Variants in TRAPPC9 observed in about 807,000 individuals in gnomAD.
TRAPPC9 encodes the protein IKK2 binding protein.
TRAPPC9 carries 83 observed loss-of-function variants against 124.0 expected under a neutral mutation model. That is an observed-to-expected ratio of 0.67 (90% confidence interval 0.56 to 0.80). The LOEUF (loss-of-function observed/expected upper bound fraction) is 0.80. TRAPPC9 is among the 30% of genes least tolerant of loss of function. TRAPPC9 has a pLI of 0.00. For synonymous variants in TRAPPC9, 638 were observed against 617.5 expected, an observed-to-expected ratio of 1.03 and a Z score of -0.49; for missense variants, 1,302 against 1,508.3, an observed-to-expected ratio of 0.86 and a Z score of 2.27.
chr8:140,125,670 C>A (rs1241796017), intron 17 of TRAPPC9, among the ~76,000 whole-genome samples: 3 of 147,626 alleles, frequency 2.0e-5, no homozygotes, highest in Non-Finnish European at 4.4e-5. Context: ...TCTCGGCTCA[C>A]CACAAGCTCC....
intron 21 of TRAPPC9, among the ~76,000 whole-genome samples, chr8:139,844,019 C>T (rs1826904857): frequency 6.6e-6 from 1 of 152,200 alleles, no homozygotes. Context: ...CCTGTCCTCC[C>T]CACTCAGCTC....
At chr8:140,132,496 A>G (rs1482050237) in intron 17 of TRAPPC9, among the ~76,000 whole-genome samples, 1 of 152,136 alleles carries the variant, frequency 6.6e-6, no homozygotes, top group Non-Finnish European at 1.5e-5. Flanking sequence ...GAGAAATGAG[A>G]TTAGGGCTTT....
chr8:139,782,562 C>T (rs1010772078), intron 21 of TRAPPC9, among the ~76,000 whole-genome samples: 13 of 152,256 alleles, frequency 8.5e-5, no homozygotes, highest in East Asian at 3.9e-4. Context: ...CTCCAAAATT[C>T]GTTAAGTAAA....
chr8:140,164,596 C>A (rs1270304204), intron 17 of TRAPPC9, among the ~76,000 whole-genome samples: 3 of 152,242 alleles, frequency 2.0e-5, no homozygotes, highest in East Asian at 3.8e-4. Flanking sequence ...GCTGTCTTCT[C>A]CCCTGCCTGG....
intron 17 of TRAPPC9, among the ~76,000 whole-genome samples, chr8:140,030,803 G>T (rs1038240909): frequency 6.6e-6 from 1 of 152,218 alleles, no homozygotes; most frequent in African/African-American, 2.4e-5. Flanking sequence ...TACTAGAAAA[G>T]CTCAGCCTTT....
At chr8:140,113,330 G>A (rs1046671818) in intron 17 of TRAPPC9, among the ~76,000 whole-genome samples, 4 of 152,220 alleles carry the variant, frequency 2.6e-5, no homozygotes, top group Admixed American at 1.3e-4. Flanking sequence ...CGGCAGGGAC[G>A]GTATTTCCAG....
chr8:140,452,054 A>G (rs10106245), intron 1 of TRAPPC9, among the ~76,000 whole-genome samples: 83,567 of 150,310 alleles, frequency 0.56, 23,374 homozygotes, highest in Non-Finnish European at 0.57. Flanking sequence ...CCGGGAGGTG[A>G]AAGCTGCAGT....
At chr8:140,307,079 A>G (rs1328392536) in intron 10 of TRAPPC9, among the ~76,000 whole-genome samples, 1 of 152,306 alleles carries the variant, frequency 6.6e-6, no homozygotes, top group African/African-American at 2.4e-5. Flanking sequence ...ATCTGAGTAC[A>G]TAACTCCATG....
intron 9 of TRAPPC9, among the ~76,000 whole-genome samples, chr8:140,338,874 G>A (rs1486535092): frequency 2.1e-5 from 1 of 46,686 alleles, no homozygotes. Flanking sequence ...CCTACAGGCC[G>A]ACGGGAAACG....
intron 2 of TRAPPC9, among the ~76,000 whole-genome samples, chr8:140,444,310 T>C (rs766965564): frequency 2.6e-5 from 4 of 152,082 alleles, no homozygotes; most frequent in Non-Finnish European, 4.4e-5. Flanking sequence ...AAAAGAGCTA[T>C]TCCAGAACTA....
At chr8:140,286,650 G>T (rs542384770) in intron 13 of TRAPPC9, among the ~76,000 whole-genome samples, 1 of 152,116 alleles carries the variant, frequency 6.6e-6, no homozygotes, top group Non-Finnish European at 1.5e-5. Context: ...GGGAATGCCC[G>T]CACTGAGATG....
intron 17 of TRAPPC9, among the ~76,000 whole-genome samples, chr8:140,209,157 T>C (rs1179540237): frequency 6.6e-6 from 1 of 152,242 alleles, no homozygotes; most frequent in Non-Finnish European, 1.5e-5. Flanking sequence ...TGGTGAGGCC[T>C]CTGCAGACGA....
At chr8:139,789,223 C>T (rs1822484232) in intron 21 of TRAPPC9, among the ~76,000 whole-genome samples, 1 of 152,194 alleles carries the variant, frequency 6.6e-6, no homozygotes, top group Non-Finnish European at 1.5e-5. Flanking sequence ...CGGAAGCACA[C>T]AGCCAGGTGT....
At chr8:140,293,607 T>C (rs954062264) in intron 11 of TRAPPC9, among the ~76,000 whole-genome samples, 32 of 151,774 alleles carry the variant, frequency 2.1e-4, no homozygotes, top group Admixed American at 1.3e-4. Flanking sequence ...CAGTAAACTA[T>C]CGCAAAAACA....
intron 17 of TRAPPC9, among the ~76,000 whole-genome samples, chr8:140,118,050 C>T (rs570029527): frequency 6.6e-6 from 1 of 152,334 alleles, no homozygotes; most frequent in African/African-American, 2.4e-5. Flanking sequence ...AAAGTCCATA[C>T]AAATATATTT....
intron 7 of TRAPPC9, among the ~76,000 whole-genome samples, chr8:140,392,801 G>A (rs2068964837): frequency 6.6e-6 from 1 of 152,138 alleles, no homozygotes; most frequent in African/African-American, 2.4e-5. Context: ...GAATTATAAG[G>A]ATTAAAGAAA....
At chr8:140,228,891 G>C (rs2063515841) in intron 16 of TRAPPC9, among the ~76,000 whole-genome samples, 1 of 152,210 alleles carries the variant, frequency 6.6e-6, no homozygotes, top group African/African-American at 2.4e-5. Context: ...AAAGAGAAAA[G>C]AGAGATTATA....
chr8:140,234,955 G>T (rs1470935587), intron 16 of TRAPPC9, among the ~76,000 whole-genome samples: 1 of 152,122 alleles, frequency 6.6e-6, no homozygotes, highest in Non-Finnish European at 1.5e-5. Flanking sequence ...ATACAATTAA[G>T]AAATCTAAGA....
Position 140,397,639 on chromosome 8 carries a change from A to C in TRAPPC9, c.1115T>G (p.Val372Gly). ...ACTCACCTGTCGAAGGTTAATGTAA[A>C]CTGCATTCTGAAGAAATTCTGATGC... is the stretch of plus-strand genomic sequence containing the variant. ...MEASEFLQNA[V>G]YINLRQLSEE... The change falls in exon 7 of 23, where the codon GTT becomes GGT. Residue 372 changes from valine (V) to glycine (G), a missense_variant. Val to Gly is a moderately radical substitution (Grantham distance 109). This residue lies in a region of TRAPPC9 where 657 missense variants were observed against 811.2 expected (regional missense o/e 0.81). Transcript: ENST00000438773. 1 of 1,614,130 alleles carries C rather than the reference A, an allele frequency of 6.2e-7. No homozygotes were observed. The highest frequency in any genetic ancestry group is 8.5e-7 in the Non-Finnish European group (1 of 1,180,008).
Sources: gnomAD v4.1 joint callset for allele counts (sites outside exome capture counted in the v4.1 genomes callset) on GRCh38, gnomAD v4.1.1 for gene constraint, gnomAD v4.1.1 regional missense constraint, MANE v1.5 for transcripts, NCBI Gene and HGNC (gene_info 2026-07-23, HGNC 2026-07-21) for gene names.